Variants in RREB1 observed in about 807,000 individuals in gnomAD.
RREB1 encodes ras responsive element binding protein 1.
Under a neutral mutation model 117.8 loss-of-function variants are expected in RREB1, and 27 were observed. That is an observed-to-expected ratio of 0.23 (90% CI 0.17 to 0.32). The LOEUF is 0.32. Among genes scored for constraint, RREB1 ranks in the 10% least tolerant of loss-of-function variants. The pLI, the probability that RREB1 is intolerant of heterozygous loss-of-function variation, is 1.00. For missense variants in RREB1, 2,577 were observed against 2,378.2 expected (o/e 1.08, Z -1.74); for synonymous variants, 1,298 against 1,026.7 (o/e 1.26, Z -5.05).
intron 1 of RREB1, among the ~76,000 whole-genome samples, chr6:7,137,909 C>G (rs1019338244): frequency 1.3e-5 from 2 of 152,194 alleles, no homozygotes; most frequent in Non-Finnish European, 2.9e-5. Context: ...TCATCACTTT[C>G]AGAGTTCCTT....
chr6:7,183,690 C>T (rs1764924603), intron 4 of RREB1: 1 of 152,096 alleles, frequency 6.6e-6, no homozygotes, highest in Non-Finnish European at 1.5e-5. Context: ...CATCCCCCTC[C>T]TTTCTTCTCC....
In RREB1 at chr6:7,131,260, G is replaced by T. The variant is rs572118156; in HGVS notation, c.-285+23200G>T. 3.1e-4 allele frequency among the ~76,000 whole-genome samples: 47 copies of T among 152,180 alleles called. No homozygotes were observed. The Middle Eastern group carries it at 0.01, about 33-fold the overall frequency. On this transcript the variant is annotated intron_variant, in intron 1 of 12. Coordinates refer to ENST00000379938, the MANE Select transcript of RREB1 (RefSeq NM_001003699.4). ...TTCTAAGAAGCAAATATGTACCATC[G>T]TATGCCAGTCATGGTAAATGCTTTC...
intron 1 of RREB1, among the ~76,000 whole-genome samples, chr6:7,148,872 G>C (rs953989108): frequency 5.9e-5 from 9 of 152,140 alleles, no homozygotes; most frequent in Non-Finnish European, 1.0e-4. Flanking sequence ...TAGAAAAAAA[G>C]TTATTCATTA....
Position 7,249,062 on chromosome 6 carries a change from TGAGAGAGAGAGAGAGAGAGA to T in RREB1, c.*117_*136del, listed in dbSNP as rs4053178. The T allele has an allele frequency of 9.2e-4, 520 of 568,250 alleles. No individual in the cohort carries two copies. Among genetic ancestry groups the T allele is most frequent in the Middle Eastern group, 1.8e-3 (4 of 2,166 alleles). 35.2% of individuals were successfully genotyped at this position (568,250 alleles called of 1,614,324 possible). ...TCAGTGCCCTTTGGCTGTTGAGGAG[TGAGAGAGAGAGAGAGAGAGA>T]GAGAGAGAGAGAGAGAGAGAGACAA... is the stretch of plus-strand genomic sequence containing the variant. On this transcript the variant is annotated 3_prime_UTR_variant, in exon 13 of 13. Coordinates refer to ENST00000379938, the MANE Select transcript of RREB1 (RefSeq NM_001003699.4).
chr6:7,159,714 T>G (rs1033067213), intron 1 of RREB1, among the ~76,000 whole-genome samples: 8 of 152,092 alleles, frequency 5.3e-5, no homozygotes, highest in African/African-American at 1.9e-4. Flanking sequence ...ATGGCAGTAG[T>G]AAGTAAGGAA....
intron 11 of RREB1, among the ~76,000 whole-genome samples, chr6:7,242,947 G>T (rs1317982533): frequency 6.6e-6 from 1 of 152,224 alleles, no homozygotes; most frequent in Non-Finnish European, 1.5e-5. Context: ...CAGAGAGGCA[G>T]CCTGGCCCCC....
At chr6:7,242,393 G>A (rs1056864034) in intron 11 of RREB1, among the ~76,000 whole-genome samples, 1 of 152,040 alleles carries the variant, frequency 6.6e-6, no homozygotes, top group African/African-American at 2.4e-5. Flanking sequence ...ACCCCACCCC[G>A]GAAGTTATAT....
intron 8 of RREB1, among the ~76,000 whole-genome samples, chr6:7,223,257 T>TAAAA (rs59558597): frequency 0.089 from 8,608 of 96,904 alleles, 379 homozygotes; most frequent in African/African-American, 0.1. Context: ...ACTCTCTTTT[T>TAAAA]AAAAAAAAAA....
At position 7,249,061 on chromosome 6, in the gene RREB1, GT is replaced by G. The variant is rs1769286336; in HGVS notation, c.*94del. 9.8e-6 allele frequency: 7 copies of G among 711,566 alleles called. No individual in the cohort carries two copies. In the Admixed American group the frequency reaches 1.3e-4, roughly 13 times the overall value. 44.1% of individuals were successfully genotyped at this position (711,566 alleles called of 1,614,324 possible). On this transcript the variant is annotated 3_prime_UTR_variant, in exon 13 of 13. Coordinates refer to ENST00000379938, the MANE Select transcript of RREB1 (RefSeq NM_001003699.4). ...CTCAGTGCCCTTTGGCTGTTGAGGA[GT>G]GAGAGAGAGAGAGAGAGAGAGAGAG... is the stretch of plus-strand genomic sequence containing the variant.
intron 10 of RREB1, among the ~76,000 whole-genome samples, chr6:7,237,334 G>T (rs1768398520): frequency 6.6e-6 from 1 of 151,900 alleles, no homozygotes; most frequent in Non-Finnish European, 1.5e-5. Context: ...TAATCCACCA[G>T]CCTCGACCTC....
intron 8 of RREB1, among the ~76,000 whole-genome samples, chr6:7,224,935 T>C (rs1767492016): frequency 6.6e-6 from 1 of 152,020 alleles, no homozygotes; most frequent in African/African-American, 2.4e-5. Flanking sequence ...AGGCCCTTCC[T>C]GAACAGGGGA....
At chr6:7,157,596 C>A (rs960481090) in intron 1 of RREB1, among the ~76,000 whole-genome samples, 2 of 151,810 alleles carry the variant, frequency 1.3e-5, no homozygotes, top group Non-Finnish European at 2.9e-5. Context: ...CATAGTGAGA[C>A]TCCGTCTCTC....
chr6:7,201,954 C>T (rs1275787937), intron 6 of RREB1, among the ~76,000 whole-genome samples: 1 of 152,076 alleles, frequency 6.6e-6, no homozygotes. Context: ...CATGTCCATC[C>T]GTTTTAGATA....
At chr6:7,167,936 G>A (rs1351082314) in intron 1 of RREB1, among the ~76,000 whole-genome samples, 1 of 152,032 alleles carries the variant, frequency 6.6e-6, no homozygotes, top group African/African-American at 2.4e-5. Flanking sequence ...TCCATTGATG[G>A]CAAGCTGGAT....
intron 12 of RREB1, among the ~76,000 whole-genome samples, chr6:7,248,158 C>T (rs1047158051): frequency 1.3e-5 from 2 of 152,372 alleles, no homozygotes; most frequent in South Asian, 4.1e-4. Flanking sequence ...ATACAGATCC[C>T]TGAGAGGGTC....
At chr6:7,208,555 C>T (rs1043467502) in intron 6 of RREB1, among the ~76,000 whole-genome samples, 4 of 152,200 alleles carry the variant, frequency 2.6e-5, no homozygotes, top group Non-Finnish European at 1.5e-5. Flanking sequence ...TGCTTTTGCA[C>T]CTGGGGCTCC....
intron 6 of RREB1, among the ~76,000 whole-genome samples, chr6:7,208,734 A>G (rs1324672041): frequency 6.6e-6 from 1 of 152,208 alleles, no homozygotes; most frequent in African/African-American, 2.4e-5. Context: ...GGAATGTTCT[A>G]TGCCTGAGCT....
intron 6 of RREB1, among the ~76,000 whole-genome samples, chr6:7,206,069 A>T (rs1188709496): frequency 6.6e-6 from 1 of 152,242 alleles, no homozygotes; most frequent in Non-Finnish European, 1.5e-5. Context: ...CCTTCCTAAG[A>T]CCACAGTGCG....
intron 4 of RREB1, 22 bp from the exon 5 acceptor site, chr6:7,187,411 TC>T: frequency 6.9e-7 from 1 of 1,440,730 alleles, no homozygotes; most frequent in Admixed American, 1.8e-5. Flanking sequence ...AAATTTATCT[TC>T]CCTTTTAATC....
Sources: gnomAD v4.1 joint callset for allele counts (sites outside exome capture counted in the v4.1 genomes callset) on GRCh38, gnomAD v4.1.1 for gene constraint, MANE v1.5 for transcripts, NCBI Gene and HGNC (gene_info 2026-07-23, HGNC 2026-07-21) for gene names.